BMP5: variants seen among roughly 807,000 people sequenced by gnomAD.
The protein encoded by BMP5 is bone morphogenetic protein 5.
In BMP5, 23 loss-of-function variants were observed where a neutral mutation model predicts 46.6. That is an observed-to-expected ratio of 0.49 (90% CI 0.35 to 0.70). The LOEUF (loss-of-function observed/expected upper bound fraction) is 0.70, where lower values mean the gene tolerates loss of function less well. Among genes scored for constraint, BMP5 ranks in the 30% least tolerant of loss-of-function variants. BMP5 has a pLI of 0.00. For synonymous variants in BMP5, 204 were observed against 191.9 expected, an observed-to-expected ratio of 1.06 and a Z score of -0.52; for missense variants, 545 against 565.6, an observed-to-expected ratio of 0.96 and a Z score of 0.37.
chr6:55,853,759 G>C (rs1416076611), intron 1 of BMP5, among the ~76,000 whole-genome samples: 1 of 152,132 alleles, frequency 6.6e-6, no homozygotes, highest in East Asian at 1.9e-4. Context: ...GAGAACTGCT[G>C]GTTATACAGT....
At chr6:55,814,378 A>C (rs1414832593) in intron 2 of BMP5, among the ~76,000 whole-genome samples, 1 of 152,182 alleles carries the variant, frequency 6.6e-6, no homozygotes, top group Non-Finnish European at 1.5e-5. Context: ...ATTTATTATC[A>C]ACTATGATCT....
At chr6:55,811,534 T>C (rs1343190180) in intron 2 of BMP5, among the ~76,000 whole-genome samples, 2 of 152,308 alleles carry the variant, frequency 1.3e-5, no homozygotes, top group African/African-American at 4.8e-5. Flanking sequence ...AACACTGGCA[T>C]TGATCATTTT....
At chr6:55,807,867 CAT>C (rs976226259) in intron 2 of BMP5, among the ~76,000 whole-genome samples, 6 of 152,150 alleles carry the variant, frequency 3.9e-5, no homozygotes, top group Non-Finnish European at 8.8e-5. Context: ...ATAGTACTGA[CAT>C]GTGTTTATAT....
intron 1 of BMP5, among the ~76,000 whole-genome samples, chr6:55,832,780 C>A (rs1465465310): frequency 6.6e-6 from 1 of 152,002 alleles, no homozygotes; most frequent in African/African-American, 2.4e-5. Flanking sequence ...TTCCAAAATT[C>A]TGTGTCTCAC....
At chr6:55,854,970 AAT>A (rs1360922448) in intron 1 of BMP5, among the ~76,000 whole-genome samples, 1 of 152,112 alleles carries the variant, frequency 6.6e-6, no homozygotes, top group African/African-American at 2.4e-5. Context: ...ATATTTTTAA[AAT>A]AGTCTGGACC....
intron 1 of BMP5, among the ~76,000 whole-genome samples, chr6:55,826,569 G>C (rs553437738): frequency 1.3e-5 from 2 of 151,392 alleles, no homozygotes; most frequent in African/African-American, 4.8e-5. Context: ...TGGTCTCAAG[G>C]TGTTCCTGTT....
At chr6:55,761,457 T>A (rs1392151586) in intron 4 of BMP5, among the ~76,000 whole-genome samples, 1 of 152,056 alleles carries the variant, frequency 6.6e-6, no homozygotes, top group Non-Finnish European at 1.5e-5. Flanking sequence ...ATTTTGGTCT[T>A]ATTACCCCTC....
At chr6:55,813,101 A>G (rs911423739) in intron 2 of BMP5, among the ~76,000 whole-genome samples, 1 of 152,184 alleles carries the variant, frequency 6.6e-6, no homozygotes, top group African/African-American at 2.4e-5. Context: ...GCTTAAGAAA[A>G]AATGAGAGCA....
Position 55,760,518 on chromosome 6 carries a change from T to C in BMP5, c.1043A>G (p.Glu348Gly). ...GTGCTTCTTACAGGCTTGTTTTTGCTCACTTGTGTTATAATCTGAAGATAA... is the reference window on the plus strand; with the variant it reads ...GTGCTTCTTACAGGCTTGTTTTTGCCCACTTGTGTTATAATCTGAAGATAA... The part of the protein sequence containing the change: ...MSSVGDYNTS[E>G]QKQACKKHEL... The change falls in exon 5 of 7, where the codon GAG (glutamate) becomes GGG (glycine). Residue 348 changes from glutamate to glycine, a missense_variant. Physicochemically the swap from Glu to Gly is moderately conservative, Grantham distance 98. Transcript: ENST00000370830. The C allele has an allele frequency of 1.2e-6, 2 of 1,613,106 alleles. No individual in the cohort carries two copies. The highest frequency in any genetic ancestry group is 1.7e-6 in the Non-Finnish European group (2 of 1,179,294).
At chr6:55,780,356 C>G (rs768433747) in intron 3 of BMP5, among the ~76,000 whole-genome samples, 6 of 150,316 alleles carry the variant, frequency 4.0e-5, no homozygotes, top group Non-Finnish European at 8.9e-5. Flanking sequence ...AATGGTGGCT[C>G]ACGCCTGTAA....
chr6:55,849,282 T>C (rs758767530), intron 1 of BMP5, among the ~76,000 whole-genome samples: 1 of 152,002 alleles, frequency 6.6e-6, no homozygotes, highest in Non-Finnish European at 1.5e-5. Flanking sequence ...GTTGAATATA[T>C]AAATAATATC....
intron 1 of BMP5, among the ~76,000 whole-genome samples, chr6:55,845,109 A>G (rs573554492): frequency 1.3e-5 from 2 of 152,196 alleles, no homozygotes; most frequent in Admixed American, 1.3e-4. Flanking sequence ...CCTAAAGGAC[A>G]TTCAGCAAAT....
At chr6:55,867,304 G>T (rs1777669289) in intron 1 of BMP5, among the ~76,000 whole-genome samples, 1 of 152,078 alleles carries the variant, frequency 6.6e-6, no homozygotes, top group East Asian at 1.9e-4. Context: ...TCTCTCCTCT[G>T]AGCTTTCTGG....
chr6:55,773,203 A>G (rs1269104561), intron 4 of BMP5, among the ~76,000 whole-genome samples: 1 of 151,968 alleles, frequency 6.6e-6, no homozygotes, highest in Non-Finnish European at 1.5e-5. Context: ...TGACAAATAG[A>G]TAAGTATGTG....
At chr6:55,857,628 A>G (rs1777431283) in intron 1 of BMP5, among the ~76,000 whole-genome samples, 1 of 152,244 alleles carries the variant, frequency 6.6e-6, no homozygotes, top group Non-Finnish European at 1.5e-5. Flanking sequence ...ACTAAACTAT[A>G]AAGTATATAA....
At chr6:55,845,754 C>T (rs1427522230) in intron 1 of BMP5, among the ~76,000 whole-genome samples, 7 of 151,846 alleles carry the variant, frequency 4.6e-5, no homozygotes, top group Non-Finnish European at 1.0e-4. Flanking sequence ...ACCATGAACC[C>T]CCTGGACTCA....
chr6:55,833,322 C>T (rs532449632), intron 1 of BMP5, among the ~76,000 whole-genome samples: 83 of 152,266 alleles, frequency 5.5e-4, no homozygotes, highest in African/African-American at 1.8e-3. Context: ...TTCATTTTCT[C>T]GCCCCTTGAT....
At chr6:55,841,942 G>GAGAGAGAGAGAGAGAGAGAGAGAGAGAGA (rs1399152751) in intron 1 of BMP5, among the ~76,000 whole-genome samples, 1 of 151,780 alleles carries the variant, frequency 6.6e-6, no homozygotes, top group South Asian at 2.1e-4. Flanking sequence ...GAGAGAGAGA[G>GAGAGAGAGAGAGAGAGAGAGAGAGAGAGA]ATTTTTCTAT....
intron 2 of BMP5, among the ~76,000 whole-genome samples, chr6:55,810,898 A>T (rs969527248): frequency 6.6e-6 from 1 of 152,100 alleles, no homozygotes; most frequent in African/African-American, 2.4e-5. Flanking sequence ...CAATACACAC[A>T]CATACCTGCC....
Sources: allele counts gnomAD v4.1 joint callset (sites outside exome capture counted in the v4.1 genomes callset), GRCh38; gene constraint gnomAD v4.1.1; transcripts MANE v1.5; gene names NCBI Gene and HGNC (gene_info 2026-07-23, HGNC 2026-07-21).